AGBL4: variants seen among roughly 807,000 people sequenced by gnomAD.
The protein encoded by AGBL4 is cytosolic carboxypeptidase 6.
AGBL4 carries 58 observed loss-of-function variants against 66.4 expected under a neutral mutation model. The observed-to-expected ratio is 0.87, with a 90% CI of 0.71 to 1.09. The LOEUF (loss-of-function observed/expected upper bound fraction) is 1.09, where lower values mean the gene tolerates loss of function less well. Among genes scored for constraint, AGBL4 ranks in the 50% least tolerant of loss-of-function variants. AGBL4 has a pLI of 0.00. For missense variants in AGBL4, 579 were observed against 631.0 expected (o/e 0.92, Z 0.88); for synonymous variants, 234 against 222.9 (o/e 1.05, Z -0.44).
intron 6 of AGBL4, among the ~76,000 whole-genome samples, chr1:48,671,201 C>CAGCAGTGCATG (rs1406988228): frequency 6.6e-6 from 1 of 152,218 alleles, no homozygotes; most frequent in Non-Finnish European, 1.5e-5. Flanking sequence ...ATCTGTTATG[C>CAGCAGTGCATG]CAGCCAGGGT....
chr1:48,586,988 T>G lies in AGBL4; in HGVS notation c.1267+16A>C, dbSNP rs370444372. On this transcript the variant is annotated intron_variant, in intron 11 of 13. Coordinates refer to ENST00000371839, the MANE Select transcript of AGBL4 (RefSeq NM_032785.4). ...GGATGAGGGCTGGCCCAAGGCTGGG[T>G]GGGGACTAAGGATACAGGCTTCTTC... The G allele has an allele frequency of 3.7e-6, 6 of 1,607,910 alleles. No individual in the cohort carries two copies. The highest frequency in any genetic ancestry group is 2.2e-5 in the East Asian group (1 of 44,644).
At chr1:49,288,103 C>G (rs1317947701) in intron 3 of AGBL4, among the ~76,000 whole-genome samples, 2 of 141,872 alleles carry the variant, frequency 1.4e-5, no homozygotes, top group East Asian at 2.1e-4. Flanking sequence ...TCTCAGTAAA[C>G]TATCGCAAGA....
intron 1 of AGBL4, among the ~76,000 whole-genome samples, chr1:49,905,237 T>C (rs984490709): frequency 6.6e-6 from 1 of 152,304 alleles, no homozygotes. Context: ...TCTAATACAA[T>C]GTATCCTGAG....
intron 5 of AGBL4, among the ~76,000 whole-genome samples, chr1:48,980,402 G>C (rs1313155162): frequency 6.6e-6 from 1 of 152,056 alleles, no homozygotes; most frequent in Non-Finnish European, 1.5e-5. Flanking sequence ...AAAATAGATA[G>C]CCAGATTGCT....
intron 6 of AGBL4, among the ~76,000 whole-genome samples, chr1:48,834,627 A>G (rs1242996750): frequency 6.6e-6 from 1 of 152,168 alleles, no homozygotes. Context: ...TCTGCAAGCC[A>G]GAAAGAGAGC....
At chr1:48,617,580 T>C (rs553347081) in intron 9 of AGBL4, among the ~76,000 whole-genome samples, 1 of 152,356 alleles carries the variant, frequency 6.6e-6, no homozygotes, top group East Asian at 1.9e-4. Context: ...TCTTCCTACG[T>C]GCTTCTGTTC....
intron 8 of AGBL4, among the ~76,000 whole-genome samples, chr1:48,635,506 G>A (rs541998639): frequency 9.8e-5 from 15 of 152,292 alleles, no homozygotes; most frequent in South Asian, 6.2e-4. Flanking sequence ...TCCATCCTTC[G>A]TGAGTGTGGG....
intron 1 of AGBL4, among the ~76,000 whole-genome samples, chr1:50,013,660 GA>G (rs1202351735): frequency 7.2e-5 from 11 of 152,098 alleles, no homozygotes; most frequent in African/African-American, 2.7e-4. Context: ...TACAGCTTAG[GA>G]ACATATTTCC....
At chr1:48,815,860 G>A (rs949712499) in intron 6 of AGBL4, among the ~76,000 whole-genome samples, 5 of 152,188 alleles carry the variant, frequency 3.3e-5, no homozygotes, top group South Asian at 4.1e-4. Context: ...GTTATTAGCT[G>A]TTAATTATCT....
At chr1:48,961,234 A>T (rs558264712) in intron 5 of AGBL4, among the ~76,000 whole-genome samples, 1 of 152,316 alleles carries the variant, frequency 6.6e-6, no homozygotes, top group Admixed American at 6.5e-5. Flanking sequence ...AAGACACCAC[A>T]AAAATTGGAA....
intron 4 of AGBL4, among the ~76,000 whole-genome samples, chr1:49,089,317 G>T (rs1195030146): frequency 6.6e-6 from 1 of 151,748 alleles, no homozygotes; most frequent in Non-Finnish European, 1.5e-5. Context: ...GGATACAGGA[G>T]TTGGTATGTT....
chr1:49,743,387 A>C (rs1049076627), intron 2 of AGBL4, among the ~76,000 whole-genome samples: 1 of 152,214 alleles, frequency 6.6e-6, no homozygotes, highest in African/African-American at 2.4e-5. Context: ...GGCCATCATT[A>C]AAAAGTCAGG....
chr1:49,999,154 G>C (rs1660566204), intron 1 of AGBL4, among the ~76,000 whole-genome samples: 2 of 151,804 alleles, frequency 1.3e-5, no homozygotes, highest in South Asian at 4.2e-4. Flanking sequence ...CTGGGTATAT[G>C]ATACGATCAT....
intron 3 of AGBL4, among the ~76,000 whole-genome samples, chr1:49,336,946 A>T (rs1324097376): frequency 1.3e-5 from 2 of 152,204 alleles, no homozygotes; most frequent in African/African-American, 4.8e-5. Context: ...AGAATCATTT[A>T]CAATTAAGTA....
intron 3 of AGBL4, among the ~76,000 whole-genome samples, chr1:49,587,611 C>T (rs957036350): frequency 1.3e-5 from 2 of 152,116 alleles, no homozygotes; most frequent in African/African-American, 2.4e-5. Flanking sequence ...TTTGTCATTA[C>T]TTATAAGGGG....
intron 6 of AGBL4, among the ~76,000 whole-genome samples, chr1:48,791,668 A>G (rs1039824355): frequency 6.6e-6 from 1 of 152,238 alleles, no homozygotes; most frequent in East Asian, 1.9e-4. Flanking sequence ...TTAGCTGTGC[A>G]GATCTGACTA....
intron 5 of AGBL4, among the ~76,000 whole-genome samples, chr1:49,027,514 C>T (rs1189331438): frequency 6.6e-6 from 1 of 152,056 alleles, no homozygotes; most frequent in Non-Finnish European, 1.5e-5. Context: ...GCCATTTGAA[C>T]CATGACCTGC....
intron 3 of AGBL4, among the ~76,000 whole-genome samples, chr1:49,668,504 GTTCACA>G (rs1274900442): frequency 6.6e-6 from 1 of 152,084 alleles, no homozygotes; most frequent in African/African-American, 2.4e-5. Flanking sequence ...ATACTAATAG[GTTCACA>G]TACATTTGTC....
intron 4 of AGBL4, among the ~76,000 whole-genome samples, chr1:49,156,319 A>G (rs1646429049): frequency 6.6e-6 from 1 of 152,144 alleles, no homozygotes; most frequent in African/African-American, 2.4e-5. Flanking sequence ...GTAAATGTCC[A>G]TTTTCCTTGG....
Sources: allele counts gnomAD v4.1 joint callset (sites outside exome capture counted in the v4.1 genomes callset), GRCh38; gene constraint gnomAD v4.1.1; transcripts MANE v1.5; gene names NCBI Gene and HGNC (gene_info 2026-07-23, HGNC 2026-07-21).